Variants in STARD13 observed in about 807,000 individuals in gnomAD.
STARD13 encodes StAR related lipid transfer domain containing 13, also known as stAR-related lipid transfer protein 13.
In STARD13, 62 loss-of-function variants were observed where a neutral mutation model predicts 106.4. That is an observed-to-expected ratio of 0.58 (90% CI 0.48 to 0.72). STARD13 has a LOEUF of 0.72. Among genes scored for constraint, STARD13 ranks in the 30% least tolerant of loss-of-function variants. The pLI is 0.00. For missense variants in STARD13, 1,387 were observed against 1,424.0 expected (o/e 0.97, Z 0.42); for synonymous variants, 565 against 553.0 (o/e 1.02, Z -0.31).
the STARD13 span, among the ~76,000 whole-genome samples, chr13:33,609,668 G>T: frequency 6.6e-6 from 1 of 151,352 alleles, no homozygotes; most frequent in African/African-American, 2.4e-5. Context: ...CCGGGTTCAC[G>T]TCATTCTCCT....
chr13:33,403,036 G>A, the STARD13 span, among the ~76,000 whole-genome samples: 1 of 152,254 alleles, frequency 6.6e-6, no homozygotes, highest in Non-Finnish European at 1.5e-5. Context: ...CATTGAGCTG[G>A]TTAACATTAA....
chr13:33,356,263 A>G, the STARD13 span, among the ~76,000 whole-genome samples: 3 of 152,222 alleles, frequency 2.0e-5, no homozygotes, highest in African/African-American at 2.4e-5. Flanking sequence ...TGAGTAAGTA[A>G]TTTAGCTTAC....
At chr13:33,398,584 TA>T in the STARD13 span, among the ~76,000 whole-genome samples, 5 of 151,440 alleles carry the variant, frequency 3.3e-5, no homozygotes, top group African/African-American at 9.8e-5. Flanking sequence ...AGAATATATA[TA>T]AAAAATTCAA....
At chr13:33,610,336 C>T in the STARD13 span, among the ~76,000 whole-genome samples, 1 of 152,152 alleles carries the variant, frequency 6.6e-6, no homozygotes, top group Non-Finnish European at 1.5e-5. Context: ...CAAGTTGTTT[C>T]CAGTAATACT....
chr13:33,420,136 C>A, the STARD13 span, among the ~76,000 whole-genome samples: 1 of 152,026 alleles, frequency 6.6e-6, no homozygotes, highest in Non-Finnish European at 1.5e-5. Context: ...GACTAACTGC[C>A]CCATTTAAAA....
chr13:33,580,502 C>T, the STARD13 span, among the ~76,000 whole-genome samples: 1 of 152,056 alleles, frequency 6.6e-6, no homozygotes, highest in Non-Finnish European at 1.5e-5. Flanking sequence ...TCAAAACCCA[C>T]AGAACACACA....
At chr13:33,533,923 T>C in the STARD13 span, among the ~76,000 whole-genome samples, 1 of 152,212 alleles carries the variant, frequency 6.6e-6, no homozygotes, top group Non-Finnish European at 1.5e-5. Flanking sequence ...CATGAATGTG[T>C]CTCTTTTCTT....
the STARD13 span, chr13:33,511,430 A>C: frequency 6.6e-6 from 1 of 152,180 alleles, no homozygotes; most frequent in Middle Eastern, 3.2e-3. Context: ...CAAAAAAATC[A>C]CTGTAAACTG....
At chr13:33,369,905 G>A in the STARD13 span, among the ~76,000 whole-genome samples, 16 of 152,216 alleles carry the variant, frequency 1.1e-4, 1 homozygote, top group Middle Eastern at 0.02. Context: ...AATTTCTCCA[G>A]ATGTTTCTAG....
chr13:33,514,338 T>C, the STARD13 span, among the ~76,000 whole-genome samples: 3 of 152,002 alleles, frequency 2.0e-5, no homozygotes, highest in Non-Finnish European at 2.9e-5. Flanking sequence ...CCCAGCAGGG[T>C]CTGTTTGCTT....
the STARD13 span, among the ~76,000 whole-genome samples, chr13:33,626,913 C>CAAAAA: frequency 1.3e-5 from 2 of 151,778 alleles, no homozygotes; most frequent in East Asian, 3.9e-4. Context: ...CCTGCACTAG[C>CAAAAA]AAAAAAATAA....
the STARD13 span, among the ~76,000 whole-genome samples, chr13:33,499,528 C>CTTA: frequency 2.3e-5 from 1 of 44,088 alleles, no homozygotes; most frequent in Non-Finnish European, 4.5e-5. Flanking sequence ...CTTTCTTCTT[C>CTTA]TTCTTCTTCT....
intron 7 of STARD13, among the ~76,000 whole-genome samples, chr13:33,121,911 T>A (rs917431897): frequency 4.0e-5 from 6 of 151,694 alleles, no homozygotes; most frequent in Non-Finnish European, 8.8e-5. Flanking sequence ...GATGGCACGA[T>A]CTCAGCTCAC....
chr13:33,449,202 T>G, the STARD13 span, among the ~76,000 whole-genome samples: 3 of 152,070 alleles, frequency 2.0e-5, no homozygotes, highest in Non-Finnish European at 4.4e-5. Context: ...CATTTTCTCC[T>G]GTGTTTTCTC....
chr13:33,421,726 A>G, the STARD13 span, among the ~76,000 whole-genome samples: 1 of 152,190 alleles, frequency 6.6e-6, no homozygotes, highest in Non-Finnish European at 1.5e-5. Context: ...ATCCAGCAAC[A>G]CATCAAAAAG....
the STARD13 span, among the ~76,000 whole-genome samples, chr13:33,545,207 G>T: frequency 6.6e-6 from 1 of 152,012 alleles, no homozygotes; most frequent in Non-Finnish European, 1.5e-5. Context: ...TGATCCACCC[G>T]CCTTGGCCTC....
At chr13:33,307,728 TG>T (rs1892965745) in intron 1 of STARD13, among the ~76,000 whole-genome samples, 1 of 152,108 alleles carries the variant, frequency 6.6e-6, no homozygotes, top group Non-Finnish European at 1.5e-5. Flanking sequence ...ACCTAGGTGA[TG>T]GGTTCATAGC....
chr13:33,292,355 A>G (rs1892326702), intron 1 of STARD13, among the ~76,000 whole-genome samples: 1 of 151,650 alleles, frequency 6.6e-6, no homozygotes, highest in Non-Finnish European at 1.5e-5. Context: ...TGTAATCCCA[A>G]CACTTTGGGT....
the STARD13 span, among the ~76,000 whole-genome samples, chr13:33,528,644 G>A: frequency 6.6e-6 from 1 of 151,890 alleles, no homozygotes; most frequent in Admixed American, 6.6e-5. Flanking sequence ...TATAACAGAC[G>A]AATTTATTTC....
Sources: allele counts gnomAD v4.1 joint callset (sites outside exome capture counted in the v4.1 genomes callset), GRCh38; gene constraint gnomAD v4.1.1; transcripts MANE v1.5; gene names NCBI Gene and HGNC (gene_info 2026-07-23, HGNC 2026-07-21).